Variants in KIF26B observed in about 807,000 individuals in gnomAD.
KIF26B encodes kinesin family member 26B, also known as kinesin-like protein KIF26B.
In KIF26B, 63 loss-of-function variants were observed where a neutral mutation model predicts 151.2. That is an observed-to-expected ratio of 0.42 (90% CI 0.34 to 0.51). The LOEUF (loss-of-function observed/expected upper bound fraction) is 0.51. Ranked by LOEUF, KIF26B falls within the 20% of genes least tolerant of loss-of-function variation. KIF26B has a pLI of 0.07. For missense variants in KIF26B, 2,813 were observed against 2,913.6 expected, an observed-to-expected ratio of 0.97 and a Z score of 0.79; for synonymous variants, 1,357 against 1,262.1, an observed-to-expected ratio of 1.08 and a Z score of -1.59.
chr1:245,624,033 T>C (rs1016919889), intron 9 of KIF26B, among the ~76,000 whole-genome samples: 1 of 152,102 alleles, frequency 6.6e-6, no homozygotes, highest in Non-Finnish European at 1.5e-5. Flanking sequence ...AGTTATGAGA[T>C]CCGGTGGTTT....
At position 245,375,425 on chromosome 1, in the gene KIF26B, A is replaced by C. The variant is rs1014101289; in HGVS notation, c.999+8058A>C. Among the ~76,000 whole-genome samples, 1 of 152,254 alleles carries C rather than the reference A, an allele frequency of 6.6e-6. No homozygotes were observed. Among genetic ancestry groups the C allele is most frequent in the African/African-American group, 2.4e-5 (1 of 41,556 alleles). ...GGGTGGACTCAATGTAATTACAAGGATCCTTAAAGAGGAAGGCAGGAGGAT... is the reference window on the plus strand; with the variant it reads ...GGGTGGACTCAATGTAATTACAAGGCTCCTTAAAGAGGAAGGCAGGAGGAT... On this transcript the variant is annotated intron_variant, in intron 3 of 14. Coordinates refer to ENST00000407071, the MANE Select transcript of KIF26B (RefSeq NM_018012.4). The surrounding 1 kb of genome is among the most constrained non-coding windows in gnomAD (Gnocchi z 4.2).
intron 9 of KIF26B, among the ~76,000 whole-genome samples, chr1:245,629,766 GCTC>G (rs2043760587): frequency 6.6e-6 from 1 of 152,144 alleles, no homozygotes; most frequent in African/African-American, 2.4e-5. Flanking sequence ...AAGTTAAAGA[GCTC>G]CTGCACAGCA....
At chr1:245,163,628 A>C (rs1426453050) in intron 2 of KIF26B, among the ~76,000 whole-genome samples, 1 of 152,102 alleles carries the variant, frequency 6.6e-6, no homozygotes, top group African/African-American at 2.4e-5. Flanking sequence ...TATGGTGTTG[A>C]ATCTTTCCCA....
In KIF26B at chr1:245,606,111, C is replaced by T. The variant is rs186939026; in HGVS notation, c.1558-1540C>T. 1.5e-3 allele frequency among the ~76,000 whole-genome samples: 230 copies of T among 152,224 alleles called. No homozygotes were observed. Among genetic ancestry groups the T allele is most frequent in the Middle Eastern group, 3.4e-3 (1 of 294 alleles). On this transcript the variant is annotated intron_variant, in intron 6 of 14. Coordinates refer to ENST00000407071, the MANE Select transcript of KIF26B (RefSeq NM_018012.4). This position sits in a 1 kb window ranked among gnomAD's most constrained non-coding sequence, Gnocchi z 4.6. ...AGGGTTAGCACTGGGCTCTCCTTGC[C>T]TAAGTCCTGGGGGGTTTGAAAGATC... is the stretch of plus-strand genomic sequence containing the variant.
At chr1:245,445,359 A>G (rs983516568) in intron 4 of KIF26B, among the ~76,000 whole-genome samples, 13 of 152,232 alleles carry the variant, frequency 8.5e-5, no homozygotes, top group African/African-American at 1.2e-4. Context: ...TGCTAATGGA[A>G]TCATAATTTT....
chr1:245,663,902 C>T (rs1355305074), intron 10 of KIF26B, among the ~76,000 whole-genome samples: 1 of 152,198 alleles, frequency 6.6e-6, no homozygotes, highest in Non-Finnish European at 1.5e-5. Flanking sequence ...GCTTTGACTG[C>T]TGCCACATAA....
At position 245,200,117 on chromosome 1, in the gene KIF26B, G is replaced by T. The variant is rs367674235; in HGVS notation, c.465+43434G>T. Among the ~76,000 whole-genome samples the T allele has an allele frequency of 5.3e-5, 8 of 152,282 alleles. No homozygotes were observed. The South Asian group carries it at 6.2e-4, about 12-fold the overall frequency. On this transcript the variant is annotated intron_variant, in intron 2 of 14. Coordinates refer to ENST00000407071, the MANE Select transcript of KIF26B (RefSeq NM_018012.4). ...ATGCACACTCTCGTTAATCCCACAC[G>T]ACTATTTCTTTAGTGGCTTATTTGT...
intron 9 of KIF26B, among the ~76,000 whole-genome samples, chr1:245,623,026 GTTTTTTTTT>G (rs56666383): frequency 4.5e-5 from 5 of 111,854 alleles, no homozygotes; most frequent in East Asian, 3.0e-4. Flanking sequence ...TCGTGAGCAA[GTTTTTTTTT>G]TTTTTTTTTT....
chr1:245,599,719 T>G (rs955281810), intron 5 of KIF26B, among the ~76,000 whole-genome samples: 2 of 152,194 alleles, frequency 1.3e-5, no homozygotes, highest in African/African-American at 4.8e-5. Flanking sequence ...CCCAGGGACC[T>G]TCCCAAAGTT....
chr1:245,279,258 C>T (rs1670993519), intron 2 of KIF26B, among the ~76,000 whole-genome samples: 1 of 151,614 alleles, frequency 6.6e-6, no homozygotes, highest in Non-Finnish European at 1.5e-5. Flanking sequence ...CACTCACACT[C>T]ATCAGCAGAC....
Position 245,704,178 on chromosome 1 carries a change from T to C in KIF26B, c.*1572T>C, listed in dbSNP as rs1384058653. On this transcript the variant is annotated 3_prime_UTR_variant, in exon 15 of 15. Transcript: ENST00000407071. Reference sequence around the variant, plus strand: ...CAGCCTTCGCATCGAGGATGGTACTTAGGCGTGTGCAGAGCACGCTTCCCT... The same window carrying C: ...CAGCCTTCGCATCGAGGATGGTACTCAGGCGTGTGCAGAGCACGCTTCCCT... The C allele has an allele frequency of 6.6e-6, 1 of 152,270 alleles. No homozygotes were observed. Among genetic ancestry groups the C allele is most frequent in the African/African-American group, 2.4e-5 (1 of 41,470 alleles). 9.4% of individuals were successfully genotyped at this position (152,270 alleles called of 1,614,324 possible). A position where few individuals can be genotyped will look rare whatever the true frequency, so the allele number is the denominator to read the frequency against.
rs559593405 is a variant in KIF26B, at chr1:245,168,102, G to A, written c.465+11419G>A. On this transcript the variant is annotated intron_variant, in intron 2 of 14. Transcript: ENST00000407071. ...AATCTAAGAGCATGGTAGTCGGTGG[G>A]CTCTAAGCTTCTCCCAAGCCTGTGA... Among the ~76,000 whole-genome samples the A allele has an allele frequency of 9.8e-5, 15 of 152,316 alleles. No homozygotes were observed. The South Asian group carries it at 2.9e-3, about 29-fold the overall frequency.
At chr1:245,521,111 G>T (rs938932035) in intron 4 of KIF26B, among the ~76,000 whole-genome samples, 1 of 152,168 alleles carries the variant, frequency 6.6e-6, no homozygotes, top group Non-Finnish European at 1.5e-5. Context: ...GCCGAGGCGG[G>T]CGGATCACGA....
chr1:245,157,796 A>G (rs1475047271), intron 2 of KIF26B, among the ~76,000 whole-genome samples: 1 of 152,324 alleles, frequency 6.6e-6, no homozygotes, highest in East Asian at 1.9e-4. Context: ...GATACATCTC[A>G]AGGAATCAAA....
intron 2 of KIF26B, among the ~76,000 whole-genome samples, chr1:245,190,230 G>A (rs1488224564): frequency 6.6e-6 from 1 of 152,188 alleles, no homozygotes; most frequent in Non-Finnish European, 1.5e-5. Context: ...AATTTGGGAG[G>A]GGACACAGCC....
chr1:245,162,100 G>T (rs530848212), intron 2 of KIF26B, among the ~76,000 whole-genome samples: 1 of 152,302 alleles, frequency 6.6e-6, no homozygotes, highest in East Asian at 1.9e-4. Context: ...TTCTTCAGCC[G>T]GCCATTTCAG....
Position 245,572,347 on chromosome 1 carries a change from G to T in KIF26B, c.1351-30230G>T, listed in dbSNP as rs534322057. Among the ~76,000 whole-genome samples the T allele has an allele frequency of 2.0e-5, 3 of 152,262 alleles. No homozygotes were observed. In the South Asian group the frequency reaches 6.2e-4, roughly 32 times the overall value. On this transcript the variant is annotated intron_variant, in intron 5 of 14. Transcript: ENST00000407071. This position sits in a 1 kb window ranked among gnomAD's most constrained non-coding sequence, Gnocchi z 4.2. ...CACTGAGGACATTGAGGTTCTGGGG[G>T]ATTCATCACTTAGCTCCCAACTCTT...
At chr1:245,607,588 T>G in intron 6 of KIF26B, 63 bp from the exon 7 acceptor site, 3 of 1,347,582 alleles carry the variant, frequency 2.2e-6, no homozygotes, top group Non-Finnish European at 3.1e-6. Context: ...CTCACTTTCG[T>G]TGTTAGTGGT....
intron 4 of KIF26B, among the ~76,000 whole-genome samples, chr1:245,496,039 A>C (rs1660508528): frequency 6.6e-6 from 1 of 152,240 alleles, no homozygotes; most frequent in African/African-American, 2.4e-5. Flanking sequence ...ATCCATCATC[A>C]GTAGACCAAC....
Sources: gnomAD v4.1 joint callset for allele counts (sites outside exome capture counted in the v4.1 genomes callset) on GRCh38, gnomAD v4.1.1 for gene constraint, Gnocchi (gnomAD v3.1) non-coding constraint, MANE v1.5 for transcripts, NCBI Gene and HGNC (gene_info 2026-07-23, HGNC 2026-07-21) for gene names.